Variants in ROBO1 observed in about 807,000 individuals in gnomAD.
The protein encoded by ROBO1 is roundabout guidance receptor 1.
In ROBO1, 149 loss-of-function variants were observed where a neutral mutation model predicts 195.9. The ratio of observed to expected loss-of-function variants is 0.76; its 90% CI spans 0.67 to 0.87. The LOEUF (loss-of-function observed/expected upper bound fraction) is 0.87, where lower values mean the gene tolerates loss of function less well. Ranked by LOEUF, ROBO1 falls within the 40% of genes least tolerant of loss-of-function variation. The probability of loss-of-function intolerance (pLI) is 0.00; values close to 1 mark genes in which losing one functional copy is unlikely to be tolerated. For synonymous variants in ROBO1, 816 were observed against 733.2 expected (o/e 1.11, Z -1.82); for missense variants, 1,933 against 2,068.3 (o/e 0.93, Z 1.27).
In ROBO1 at chr3:78,711,354, C is replaced by CTTTTCTTT. The variant is rs1559772810; in HGVS notation, c.1045+3042_1045+3043insAAAGAAAA. On this transcript the variant is annotated intron_variant, in intron 8 of 30. Coordinates refer to ENST00000464233, the MANE Select transcript of ROBO1 (RefSeq NM_002941.4). ...TTCCTTCCTTCCTTCCTTCCTCCTT[C>CTTTTCTTT]CTTCCTTCCTTCCTTCCTTCCTTCC... Among the ~76,000 whole-genome samples the CTTTTCTTT allele has an allele frequency of 1.6e-3, 107 of 64,944 alleles. 4 individuals carry two copies. Among genetic ancestry groups the CTTTTCTTT allele is most frequent in the African/African-American group, 6.7e-3 (83 of 12,320 alleles). 42.6% of individuals were successfully genotyped at this position (64,944 alleles called of 152,430 possible).
At position 78,791,132 on chromosome 3, in the gene ROBO1, G is replaced by A. The variant is rs138284622; in HGVS notation, c.500-44232C>T. On this transcript the variant is annotated intron_variant, in intron 4 of 30. Transcript: ENST00000464233. ...GCCAGTGAGAACAAAGAGAATTCCT[G>A]GCAGACAGACAACCAGAAGTGTCTA... 2.4e-3 allele frequency among the ~76,000 whole-genome samples: 367 copies of A among 152,210 alleles called. 3 individuals are homozygous for A. Among genetic ancestry groups the A allele is most frequent in the African/African-American group, 8.1e-3 (335 of 41,534 alleles).
chr3:79,764,353 T>C (rs933974567), intron 1 of ROBO1, among the ~76,000 whole-genome samples: 3 of 152,240 alleles, frequency 2.0e-5, no homozygotes, highest in African/African-American at 7.2e-5. Flanking sequence ...TAAATGATTA[T>C]GTGACCAGGT....
intron 7 of ROBO1, chr3:78,714,869 C>T: frequency 5.5e-6 from 1 of 181,648 alleles, no homozygotes; most frequent in Non-Finnish European, 1.1e-5. Flanking sequence ...AGATTTTATC[C>T]TTCTAAGTTT....
chr3:79,614,739 C>G (rs1944766579), intron 1 of ROBO1, among the ~76,000 whole-genome samples: 1 of 151,982 alleles, frequency 6.6e-6, no homozygotes, highest in South Asian at 2.1e-4. Context: ...CCATTGATCA[C>G]AAGACTCAAT....
chr3:79,018,961 G>C, intron 3 of ROBO1: 1 of 989,532 alleles, frequency 1.0e-6, no homozygotes, highest in Non-Finnish European at 1.2e-6. Context: ...CGGCGGCGGC[G>C]ATAGCAGCCA....
chr3:78,634,709 G>C (rs1219217987), intron 23 of ROBO1: 1 of 153,238 alleles, frequency 6.5e-6, no homozygotes. Flanking sequence ...GTTCATCTTT[G>C]TCAGTTTTTG....
intron 14 of ROBO1, among the ~76,000 whole-genome samples, chr3:78,662,895 G>C (rs542487280): frequency 1.3e-5 from 2 of 152,060 alleles, no homozygotes; most frequent in South Asian, 4.1e-4. Context: ...TTTTTTATAA[G>C]CTTCTTAAAG....
chr3:79,490,642 T>C (rs78435624), intron 2 of ROBO1, among the ~76,000 whole-genome samples: 1,609 of 152,302 alleles, frequency 0.011, 25 homozygotes, highest in Middle Eastern at 0.041. Context: ...TTTCGAAGTG[T>C]TGCTTGGCAG....
At chr3:78,754,254 G>A (rs991632051) in intron 4 of ROBO1, among the ~76,000 whole-genome samples, 3 of 152,136 alleles carry the variant, frequency 2.0e-5, no homozygotes, top group Non-Finnish European at 4.4e-5. Flanking sequence ...TCAGCTGCCA[G>A]TACAAATGGA....
chr3:79,151,115 G>A lies in ROBO1; in HGVS notation c.89-25576C>T, dbSNP rs372613736. On this transcript the variant is annotated intron_variant, in intron 2 of 30. Coordinates refer to ENST00000464233, the MANE Select transcript of ROBO1 (RefSeq NM_002941.4). ...CTGCACAAGCTCTCTCTTGACTGCC[G>A]CCATGTAAGACATGATTTTGCTCCT... 4.4e-4 allele frequency among the ~76,000 whole-genome samples: 67 copies of A among 151,850 alleles called. 1 individual carries two copies. Among genetic ancestry groups the A allele is most frequent in the African/African-American group, 1.4e-3 (57 of 41,468 alleles).
At chr3:78,737,330 T>A (rs1488728615) in intron 5 of ROBO1, among the ~76,000 whole-genome samples, 1 of 152,172 alleles carries the variant, frequency 6.6e-6, no homozygotes, top group African/African-American at 2.4e-5. Flanking sequence ...TGTTATGGCA[T>A]GAGTAGTTTT....
intron 4 of ROBO1, among the ~76,000 whole-genome samples, chr3:78,770,963 A>T (rs2083358283): frequency 6.6e-6 from 1 of 152,128 alleles, no homozygotes; most frequent in South Asian, 2.1e-4. Flanking sequence ...GCTACTCGGG[A>T]TGCTGAGGTG....
At chr3:79,520,359 T>C (rs1941157008) in intron 2 of ROBO1, among the ~76,000 whole-genome samples, 1 of 152,116 alleles carries the variant, frequency 6.6e-6, no homozygotes, top group African/African-American at 2.4e-5. Context: ...TTCAATTCAA[T>C]GATGTCCCTC....
intron 4 of ROBO1, among the ~76,000 whole-genome samples, chr3:78,818,231 C>G (rs2030364488): frequency 6.6e-6 from 1 of 152,170 alleles, no homozygotes; most frequent in Non-Finnish European, 1.5e-5. Flanking sequence ...TGACTGAAGC[C>G]TGGCCCAGCC....
intron 3 of ROBO1, among the ~76,000 whole-genome samples, chr3:78,985,749 T>A (rs2077091983): frequency 2.6e-5 from 4 of 152,272 alleles, no homozygotes; most frequent in Middle Eastern, 3.4e-3. Context: ...TTTAATTTAG[T>A]TTTGTTTATT....
intron 3 of ROBO1, among the ~76,000 whole-genome samples, chr3:79,006,226 G>A (rs1419325307): frequency 1.3e-5 from 2 of 151,530 alleles, no homozygotes; most frequent in Non-Finnish European, 2.9e-5. Flanking sequence ...CACTTTGCCT[G>A]GCTCAACAAA....
At chr3:78,963,902 T>A (rs1482502464) in intron 3 of ROBO1, among the ~76,000 whole-genome samples, 3 of 152,184 alleles carry the variant, frequency 2.0e-5, no homozygotes, top group African/African-American at 7.2e-5. Flanking sequence ...TTCTTTGGGC[T>A]GCAATAACAA....
At chr3:79,691,964 T>C (rs967210296) in intron 1 of ROBO1, among the ~76,000 whole-genome samples, 7 of 151,896 alleles carry the variant, frequency 4.6e-5, no homozygotes, top group African/African-American at 1.7e-4. Context: ...TTTGCCTTTA[T>C]CAAGTGTATC....
At chr3:79,725,904 T>TAA (rs34114066) in intron 1 of ROBO1, among the ~76,000 whole-genome samples, 21,335 of 147,246 alleles carry the variant, frequency 0.14, 2,077 homozygotes, top group East Asian at 0.38. Context: ...TACAGACACT[T>TAA]AAAAAAAAAA....
Sources: gnomAD v4.1 joint callset for allele counts (sites outside exome capture counted in the v4.1 genomes callset) on GRCh38, gnomAD v4.1.1 for gene constraint, MANE v1.5 for transcripts, NCBI Gene and HGNC (gene_info 2026-07-23, HGNC 2026-07-21) for gene names.